The following SNAP23 variants were observed in gnomAD, a reference collection of about 807,000 sequenced individuals.
SNAP23 encodes synaptosome associated protein 23.
A neutral mutation model predicts 29.0 loss-of-function variants in SNAP23; 11 were observed. The observed-to-expected ratio is 0.38, with a 90% CI of 0.24 to 0.63. The LOEUF is 0.63. Ranked by LOEUF, SNAP23 falls within the 20% of genes least tolerant of loss-of-function variation. The probability of loss-of-function intolerance (pLI) is 0.58; values close to 1 mark genes in which losing one functional copy is unlikely to be tolerated. For synonymous variants in SNAP23, 60 were observed against 82.9 expected (o/e 0.72, Z 1.50); for missense variants, 220 against 253.9 (o/e 0.87, Z 0.91).
intron 1 of SNAP23, among the ~76,000 whole-genome samples, chr15:42,496,209 A>T (rs922372905): frequency 5.9e-5 from 9 of 152,056 alleles, no homozygotes; most frequent in Non-Finnish European, 1.2e-4. Flanking sequence ...TGGTGGGGGG[A>T]AAAAGTACTG....
upstream of SNAP23, chr15:42,491,524 C>T (rs1211720338): frequency 6.6e-6 from 1 of 152,240 alleles, no homozygotes; most frequent in Admixed American, 6.5e-5. Context: ...AACAGCCAGA[C>T]CTGAGTTTCA....
At chr15:42,517,003 TC>T (rs1408307456) in intron 5 of SNAP23, among the ~76,000 whole-genome samples, 1 of 152,062 alleles carries the variant, frequency 6.6e-6, no homozygotes, top group Non-Finnish European at 1.5e-5. Context: ...CACTGCAACT[TC>T]CACCTCACGG....
chr15:42,510,694 G>A (rs2141522089), intron 1 of SNAP23, among the ~76,000 whole-genome samples: 1 of 152,278 alleles, frequency 6.6e-6, no homozygotes, highest in Admixed American at 6.5e-5. Context: ...CAAGAATTCA[G>A]TCCAGTACAT....
In SNAP23 at chr15:42,522,716, TAAAAAA is replaced by T. The variant is rs10553237; in HGVS notation, c.267-5531_267-5526del. On this transcript the variant is annotated intron_variant, in intron 5 of 7. Transcript: ENST00000249647. ...AAACTAATATTGATGCAACCAAAAC[TAAAAAA>T]AAAAAAAAAAAAAAGAAATTATCGT... Among the ~76,000 whole-genome samples, 9 of 104,898 alleles carry T rather than the reference TAAAAAA, an allele frequency of 8.6e-5. No individual in the cohort carries two copies. In the East Asian group the frequency reaches 5.0e-3, roughly 59 times the overall value. The allele number at this position is 104,898 out of a possible 152,430, so 68.8% of individuals were successfully genotyped here.
intron 6 of SNAP23, 50 bp from the exon 7 acceptor site, chr15:42,529,625 T>TTTA: frequency 6.3e-7 from 1 of 1,587,108 alleles, no homozygotes; most frequent in Non-Finnish European, 8.6e-7. Context: ...AATCCAGACT[T>TTTA]TTATTTAAAT....
chr15:42,520,176 G>A (rs1292173624), intron 5 of SNAP23, among the ~76,000 whole-genome samples: 5 of 148,468 alleles, frequency 3.4e-5, no homozygotes, highest in South Asian at 2.2e-4. Context: ...TCAGCCTCCC[G>A]AGTAGCTGGG....
intron 2 of SNAP23, 143 bp downstream of exon 2, chr15:42,512,046 G>A: frequency 2.4e-6 from 1 of 417,762 alleles, no homozygotes; most frequent in Non-Finnish European, 4.3e-6. Context: ...GCCATTGCTG[G>A]TTTTTATTTT....
chr15:42,529,048 C>T (rs2057536204), intron 6 of SNAP23, among the ~76,000 whole-genome samples: 1 of 152,136 alleles, frequency 6.6e-6, no homozygotes, highest in Non-Finnish European at 1.5e-5. Flanking sequence ...CAGCTAGATT[C>T]CTGTAAGAAG....
intron 6 of SNAP23, 106 bp downstream of exon 6, chr15:42,528,526 T>C: frequency 9.1e-7 from 1 of 1,092,984 alleles, no homozygotes; most frequent in African/African-American, 1.6e-5. Context: ...AAAAATTGTA[T>C]TTATTCCATT....
upstream of SNAP23, among the ~76,000 whole-genome samples, chr15:42,494,930 A>G (rs1020917227): frequency 6.6e-5 from 10 of 152,274 alleles, no homozygotes; most frequent in Admixed American, 5.9e-4. Context: ...AAACTCTTCA[A>G]TAGCTTTCAG....
chr15:42,511,914 T>C lies in SNAP23; in HGVS notation c.57+11T>C. On this transcript the variant is annotated intron_variant, in intron 2 of 7. Transcript: ENST00000249647. ...CAGATTACTGATGAGGTAAATGTTT[T>C]ACCTAAAATAAGTAAATAATTCTAT... 1 of 1,551,060 alleles carries C rather than the reference T, an allele frequency of 6.4e-7. No homozygotes were observed. Among genetic ancestry groups the C allele is most frequent in the Non-Finnish European group, 8.8e-7 (1 of 1,133,038 alleles).
intron 4 of SNAP23, among the ~76,000 whole-genome samples, chr15:42,514,109 C>T (rs538605249): frequency 1.2e-4 from 18 of 150,716 alleles, no homozygotes; most frequent in African/African-American, 4.2e-4. Context: ...GCCACCGTGC[C>T]GGGCCTTTTG....
At chr15:42,493,693 A>G (rs1156292094), upstream of SNAP23, among the ~76,000 whole-genome samples, 4 of 152,258 alleles carry the variant, frequency 2.6e-5, no homozygotes, top group African/African-American at 7.2e-5. Context: ...AATATTGCTT[A>G]CCAGTCCTAC....
intron 1 of SNAP23, among the ~76,000 whole-genome samples, chr15:42,508,736 T>G (rs777908340): frequency 6.6e-6 from 1 of 152,150 alleles, no homozygotes; most frequent in African/African-American, 2.4e-5. Context: ...TTTTGCTTTT[T>G]TTTTCCTAGG....
At chr15:42,528,447 G>A (rs1437171492) in intron 6 of SNAP23, 27 bp downstream of exon 6, 1 of 1,611,230 alleles carries the variant, frequency 6.2e-7, no homozygotes, top group East Asian at 2.2e-5. Context: ...TGATATTCCT[G>A]TACCTTTCTT....
In SNAP23 at chr15:42,529,662, C is replaced by G; in HGVS notation, c.426-13C>G. ...CAACAAAACCTATGGAATTAACTGTCTTCTTGTGATAGCATAACTAATGAT... is the reference window on the plus strand; with the variant it reads ...CAACAAAACCTATGGAATTAACTGTGTTCTTGTGATAGCATAACTAATGAT... On this transcript the variant is annotated splice_polypyrimidine_tract_variant and intron_variant, in intron 6 of 7. Transcript: ENST00000249647. The G allele has an allele frequency of 6.2e-7, 1 of 1,611,052 alleles. No individual in the cohort carries two copies. The highest frequency in any genetic ancestry group is 8.5e-7 in the Non-Finnish European group (1 of 1,179,074).
intron 5 of SNAP23, among the ~76,000 whole-genome samples, chr15:42,517,747 G>C (rs1056261729): frequency 2.6e-5 from 4 of 152,150 alleles, no homozygotes; most frequent in African/African-American, 9.7e-5. Context: ...CTCTCCCTCT[G>C]TCTCCCGGGC....
intron 2 of SNAP23, 37 bp from the exon 3 acceptor site, chr15:42,512,918 A>T (rs376712193): frequency 2.6e-6 from 4 of 1,538,860 alleles, no homozygotes; most frequent in Admixed American, 1.8e-5. Flanking sequence ...TTTTTTCTAC[A>T]TATTTTGGAA....
intron 1 of SNAP23, among the ~76,000 whole-genome samples, chr15:42,498,221 G>A (rs538465824): frequency 6.6e-6 from 1 of 152,308 alleles, no homozygotes; most frequent in South Asian, 2.1e-4. Flanking sequence ...GGATTCTGGG[G>A]GGTGGGCGGT....
Sources: gnomAD v4.1 joint callset for allele counts (sites outside exome capture counted in the v4.1 genomes callset) on GRCh38, gnomAD v4.1.1 for gene constraint, MANE v1.5 for transcripts, NCBI Gene and HGNC (gene_info 2026-07-23, HGNC 2026-07-21) for gene names.